The following NDUFA13 variants were observed in gnomAD, a reference collection of about 807,000 sequenced individuals.
NDUFA13 encodes NADH:ubiquinone oxidoreductase subunit A13.
In NDUFA13, 16 loss-of-function variants were observed where a neutral mutation model predicts 17.0. The observed-to-expected ratio is 0.94, with a 90% confidence interval of 0.64 to 1.43. The LOEUF (loss-of-function observed/expected upper bound fraction) is 1.43. NDUFA13 is among the 40% of genes most tolerant of loss of function. The probability of loss-of-function intolerance (pLI) is 0.00; values close to 1 mark genes in which losing one functional copy is unlikely to be tolerated. For synonymous variants in NDUFA13, 87 were observed against 78.4 expected (o/e 1.11, Z -0.58); for missense variants, 228 against 206.7 (o/e 1.10, Z -0.63).
At chr19:19,519,971 CTTTTTTTTTT>C (rs397963977) in intron 1 of NDUFA13, among the ~76,000 whole-genome samples, 6 of 120,270 alleles carry the variant, frequency 5.0e-5, no homozygotes, top group Non-Finnish European at 1.0e-4. Flanking sequence ...TTTTTGTTCT[CTTTTTTTTTT>C]TTTTTTTTTT....
chr19:19,523,625 A>G (rs1253785674), intron 1 of NDUFA13, among the ~76,000 whole-genome samples: 2 of 152,006 alleles, frequency 1.3e-5, no homozygotes, highest in Non-Finnish European at 1.5e-5. Flanking sequence ...CATCTAGCTA[A>G]TTTAAAAATA....
chr19:19,519,996 A>T (rs1600344794), intron 1 of NDUFA13, among the ~76,000 whole-genome samples: 1 of 110,730 alleles, frequency 9.0e-6, no homozygotes, highest in African/African-American at 3.4e-5. Context: ...TTTTTTTGAG[A>T]CAGAGTCTTG....
Position 19,527,996 on chromosome 19 carries a change from T to C in NDUFA13, c.316-11T>C, listed in dbSNP as rs754988601. The C allele has an allele frequency of 3.1e-6, 5 of 1,612,218 alleles. No individual in the cohort carries two copies. In the South Asian group the frequency reaches 5.5e-5, roughly 18 times the overall value. On this transcript the variant is annotated splice_polypyrimidine_tract_variant and intron_variant, in intron 4 of 4. Transcript: ENST00000507754. ...GGCTGTGCCTCTACCCATACCCCAC[T>C]GTCCCCACAGGTGGGGGAGTCTGTG...
In NDUFA13 at chr19:19,527,734, G is replaced by C. The variant is rs1317781574; in HGVS notation, c.279G>C (p.Glu93Asp). The change falls in exon 4 of 5, where the codon GAG becomes GAC. Residue 93 changes from glutamate (E) to aspartate (D), a missense_variant. Coordinates refer to ENST00000507754, the MANE Select transcript of NDUFA13 (RefSeq NM_015965.7). Reference protein sequence around the residue: ...TLQMLRENLEEEAIIMKDVPD... With the variant: ...TLQMLRENLEDEAIIMKDVPD... ...AGATGCTTCGGGAGAACCTGGAGGA[G>C]GAGGCCATCATCATGAAGGACGTGC... 6.4e-7 allele frequency: 1 copy of C among 1,552,770 alleles called. No homozygotes were observed.
intron 1 of NDUFA13, chr19:19,525,900 C>A: frequency 1.3e-6 from 1 of 768,388 alleles, no homozygotes; most frequent in Non-Finnish European, 1.9e-6. Flanking sequence ...CCTTCCACTT[C>A]AGGGCCAGCC....
intron 1 of NDUFA13, among the ~76,000 whole-genome samples, chr19:19,518,391 C>T (rs2061059862): frequency 6.6e-6 from 1 of 150,910 alleles, no homozygotes; most frequent in South Asian, 2.1e-4. Flanking sequence ...GATGCCACCA[C>T]ATCCGGCTAA....
chr19:19,525,562 A>C (rs1377769025), intron 1 of NDUFA13, among the ~76,000 whole-genome samples: 1 of 152,232 alleles, frequency 6.6e-6, no homozygotes, highest in Non-Finnish European at 1.5e-5. Context: ...TGGAGGGTGC[A>C]GGGTGAGCCT....
At chr19:19,519,789 T>TCCCTCTGTCCTCCTCC (rs1716984078) in intron 1 of NDUFA13, among the ~76,000 whole-genome samples, 1 of 152,042 alleles carries the variant, frequency 6.6e-6, no homozygotes, top group African/African-American at 2.4e-5. Context: ...TGTCCTCCTC[T>TCCCTCTGTCCTCCTCC]CCTGCCTCTC....
chr19:19,528,055 G>A lies in NDUFA13; in HGVS notation c.364G>A (p.Gly122Arg), dbSNP rs762597769. The change falls in exon 5 of 5, where the codon GGG (glycine) becomes AGG (arginine). Residue 122 changes from glycine to arginine, a missense_variant. Physicochemically the swap from Gly to Arg is moderately radical, Grantham distance 125. Coordinates refer to ENST00000507754, the MANE Select transcript of NDUFA13 (RefSeq NM_015965.7). ...AACCCGCTGGGTGCCCCCCTTGATC[G>A]GGGAGCTGTACGGGCTGCGCACCAC... Reference protein sequence around the residue: ...HTTRWVPPLIGELYGLRTTEE... With the variant: ...HTTRWVPPLIRELYGLRTTEE... The A allele has an allele frequency of 5.0e-6, 8 of 1,612,186 alleles. No individual in the cohort carries two copies. The highest frequency in any genetic ancestry group is 2.7e-5 in the African/African-American group (2 of 74,860).
At chr19:19,527,233 C>A in intron 2 of NDUFA13, 48 bp from the exon 3 acceptor site, 1 of 1,609,464 alleles carries the variant, frequency 6.2e-7, no homozygotes. Context: ...CCTGTGCTCC[C>A]CCGACCTAGC....
intron 1 of NDUFA13, among the ~76,000 whole-genome samples, chr19:19,523,122 A>G (rs1173431744): frequency 2.6e-5 from 4 of 152,242 alleles, no homozygotes; most frequent in Non-Finnish European, 4.4e-5. Context: ...GCATTTCCAT[A>G]TGAATTTCCC....
chr19:19,522,603 T>G lies in NDUFA13; in HGVS notation c.95-3579T>G, dbSNP rs968064275. Among the ~76,000 whole-genome samples the G allele has an allele frequency of 2.7e-5, 4 of 148,828 alleles. No homozygotes were observed. In the Admixed American group the frequency reaches 2.7e-4, roughly 10 times the overall value. ...ACGCCATTCTCCTGCCTCAGCCTCC[T>G]GAGTAGCGGGGACTACAAGTGCCAG... On this transcript the variant is annotated intron_variant, in intron 1 of 4. Coordinates refer to ENST00000507754, the MANE Select transcript of NDUFA13 (RefSeq NM_015965.7).
Position 19,516,330 on chromosome 19 carries a change from C to T in NDUFA13, c.92C>T (p.Ser31Leu). 2 of 1,613,316 alleles carry T rather than the reference C, an allele frequency of 1.2e-6. No homozygotes were observed. The highest frequency in any genetic ancestry group is 4.5e-5 in the East Asian group (2 of 44,870). ...YKRNLPRRGL[S>L]GYSMLAIGIG... is the part of the protein sequence containing the mutation. ...CGGAACTTGCCGCGTCGAGGACTGT[C>T]GGGTCAGTATCACTCTGCGCCGGGG... Residue 31 changes from serine (S) to leucine (L), a missense_variant and splice_region_variant, in exon 1 of 5, where the codon TCG becomes TTG. Physicochemically the swap from Ser to Leu is moderately radical, Grantham distance 145 (BLOSUM62 -2). Transcript: ENST00000507754.
Position 19,516,257 on chromosome 19 carries a change from A to G in NDUFA13, c.19A>G (p.Lys7Glu). 6.2e-7 allele frequency: 1 copy of G among 1,614,006 alleles called. No homozygotes were observed. Among genetic ancestry groups the G allele is most frequent in the South Asian group, 1.1e-5 (1 of 91,084 alleles). The change falls in exon 1 of 5, where the codon AAG (lysine) becomes GAG (glutamate). Residue 7 changes from lysine (K) to glutamate (E), a missense_variant. Lys to Glu is a moderately conservative substitution (Grantham distance 56, BLOSUM62 1). Coordinates refer to ENST00000507754, the MANE Select transcript of NDUFA13 (RefSeq NM_015965.7). ...TGCGAGTATGGCGGCGTCAAAGGTGAAGCAGGACATGCCTCCGCCGGGGGG... is the reference window on the plus strand; with the variant it reads ...TGCGAGTATGGCGGCGTCAAAGGTGGAGCAGGACATGCCTCCGCCGGGGGG... MAASKV[K>E]QDMPPPGGYG...
At chr19:19,518,355 C>T (rs968942903) in intron 1 of NDUFA13, among the ~76,000 whole-genome samples, 7 of 151,638 alleles carry the variant, frequency 4.6e-5, no homozygotes, top group African/African-American at 1.5e-4. Flanking sequence ...CTGTCTCAGC[C>T]TCCCGAGTAG....
intron 3 of NDUFA13, 94 bp from the exon 4 acceptor site, chr19:19,527,607 G>A (rs1034278067): frequency 2.7e-5 from 29 of 1,077,680 alleles, no homozygotes; most frequent in Admixed American, 1.0e-4. Flanking sequence ...AGACAGGGTC[G>A]GAGGGAGGCT....
rs139114423 is a variant in NDUFA13 at position 19,518,047 on chromosome 19, C to T, written c.94+1715C>T. Among the ~76,000 whole-genome samples the T allele has an allele frequency of 6.1e-3, 914 of 149,896 alleles. 6 individuals carry two copies. The highest frequency in any genetic ancestry group is 0.021 in the African/African-American group (850 of 40,770). Reference sequence around the variant, plus strand: ...ATCCCCACACTTTGGGAGGCTGAAGCGGGAGGATGGCTTGAGCCCAGGAGT... The same window carrying T: ...ATCCCCACACTTTGGGAGGCTGAAGTGGGAGGATGGCTTGAGCCCAGGAGT... On this transcript the variant is annotated intron_variant, in intron 1 of 4. Coordinates refer to ENST00000507754, the MANE Select transcript of NDUFA13 (RefSeq NM_015965.7).
chr19:19,517,268 G>T (rs1288313059), intron 1 of NDUFA13, among the ~76,000 whole-genome samples: 1 of 150,602 alleles, frequency 6.6e-6, no homozygotes, highest in Non-Finnish European at 1.5e-5. Flanking sequence ...AAGACGGTAT[G>T]GTTCTGTTGC....
rs200467158 is a variant in NDUFA13 at position 19,518,571 on chromosome 19, T to TG, written c.94+2239_94+2240insG. 3.5e-3 allele frequency among the ~76,000 whole-genome samples: 346 copies of TG among 97,948 alleles called. 4 individuals carry two copies. The highest frequency in any genetic ancestry group is 0.013 in the East Asian group (38 of 2,954). 64.3% of individuals were successfully genotyped at this position (97,948 alleles called of 152,430 possible). On this transcript the variant is annotated intron_variant, in intron 1 of 4. Coordinates refer to ENST00000507754, the MANE Select transcript of NDUFA13 (RefSeq NM_015965.7). ...TTGGTTGTTGTTTTTTGTGTGTGTG[T>TG]TTTTTTTTTTTAGACCAGGTCTTGC...
Sources: allele counts gnomAD v4.1 joint callset (sites outside exome capture counted in the v4.1 genomes callset), GRCh38; gene constraint gnomAD v4.1.1; transcripts MANE v1.5; gene names NCBI Gene and HGNC (gene_info 2026-07-23, HGNC 2026-07-21).